The following PRKD1 variants were observed in gnomAD, a reference collection of about 807,000 sequenced individuals.
The protein encoded by PRKD1 is protein kinase D1.
Under a neutral mutation model 95.9 loss-of-function variants are expected in PRKD1, and 63 were observed. The observed-to-expected ratio is 0.66, with a 90% CI of 0.54 to 0.81. The LOEUF is 0.81. Among genes scored for constraint, PRKD1 ranks in the 30% least tolerant of loss-of-function variants. The pLI is 0.00. For synonymous variants in PRKD1, 425 were observed against 423.1 expected (o/e 1.00, Z -0.05); for missense variants, 1,048 against 1,165.3 (o/e 0.90, Z 1.47).
chr14:29,856,410 C>T (rs747035210), intron 1 of PRKD1, among the ~76,000 whole-genome samples: 1 of 151,996 alleles, frequency 6.6e-6, no homozygotes, highest in Non-Finnish European at 1.5e-5. Flanking sequence ...GCCATGGTCC[C>T]CAAGCAGAAC....
chr14:29,656,339 T>C (rs919882537), intron 4 of PRKD1: 1 of 921,650 alleles, frequency 1.1e-6, no homozygotes, highest in Non-Finnish European at 1.6e-6. Flanking sequence ...TGGGTCAATG[T>C]GTTGAATTTT....
At chr14:29,776,435 T>C (rs539226653) in intron 1 of PRKD1, among the ~76,000 whole-genome samples, 38 of 152,158 alleles carry the variant, frequency 2.5e-4, no homozygotes, top group African/African-American at 8.7e-4. Context: ...ATAAGTAGTG[T>C]AGAGAAGTCC....
intron 11 of PRKD1, among the ~76,000 whole-genome samples, 162 bp from the exon 12 acceptor site, chr14:29,626,718 CT>C (rs34249162): frequency 7.3e-4 from 105 of 143,376 alleles, no homozygotes; most frequent in Middle Eastern, 3.7e-3. Flanking sequence ...AAAGCACACT[CT>C]TTTTTTTTTT....
chr14:29,753,921 T>G (rs1454505768), intron 1 of PRKD1, among the ~76,000 whole-genome samples: 1 of 152,168 alleles, frequency 6.6e-6, no homozygotes, highest in East Asian at 1.9e-4. Context: ...CTTACGTACC[T>G]GTGTGAGAAT....
intron 1 of PRKD1, among the ~76,000 whole-genome samples, chr14:29,799,951 C>T (rs1889959766): frequency 6.6e-6 from 1 of 152,070 alleles, no homozygotes; most frequent in Admixed American, 6.6e-5. Flanking sequence ...GATCGTGCTG[C>T]TCAAAAGGAG....
At chr14:29,782,949 C>A (rs979306763) in intron 1 of PRKD1, among the ~76,000 whole-genome samples, 3 of 152,138 alleles carry the variant, frequency 2.0e-5, no homozygotes, top group African/African-American at 7.2e-5. Context: ...TTGTATTGAT[C>A]AAATCAGGGT....
At chr14:29,582,885 C>A (rs1446689877) in intron 16 of PRKD1, among the ~76,000 whole-genome samples, 1 of 151,994 alleles carries the variant, frequency 6.6e-6, no homozygotes, top group Non-Finnish European at 1.5e-5. Context: ...GGGAGACATA[C>A]AAAATTGGGC....
At chr14:29,887,490 A>T (rs182326562) in intron 1 of PRKD1, among the ~76,000 whole-genome samples, 77 of 152,362 alleles carry the variant, frequency 5.1e-4, no homozygotes, top group African/African-American at 1.8e-3. Flanking sequence ...GGAAAAACTG[A>T]GCACTAATCT....
intron 1 of PRKD1, among the ~76,000 whole-genome samples, chr14:29,836,814 C>T (rs1335569990): frequency 6.6e-6 from 1 of 152,106 alleles, no homozygotes; most frequent in African/African-American, 2.4e-5. Context: ...AACCTGAATG[C>T]CTTAGGGCCA....
chr14:29,636,044 C>CAAAAAAA (rs10590081), intron 7 of PRKD1, among the ~76,000 whole-genome samples: 3 of 143,094 alleles, frequency 2.1e-5, no homozygotes. Flanking sequence ...CTCTCACATG[C>CAAAAAAA]AAAAAAAAAA....
intron 13 of PRKD1, 148 bp from the exon 14 acceptor site, chr14:29,599,965 C>T (rs539516021): frequency 9.0e-6 from 5 of 553,744 alleles, no homozygotes; most frequent in African/African-American, 5.8e-5. Context: ...ACATGTGCTG[C>T]CTTATATTTT....
chr14:29,716,437 G>T (rs1365880854), intron 2 of PRKD1, among the ~76,000 whole-genome samples: 28 of 152,100 alleles, frequency 1.8e-4, no homozygotes, highest in Non-Finnish European at 5.9e-5. Flanking sequence ...CAGCTGTTCT[G>T]CTAAATGGAT....
At chr14:29,816,156 T>C (rs141087929) in intron 1 of PRKD1, among the ~76,000 whole-genome samples, 2,055 of 152,254 alleles carry the variant, frequency 0.013, 46 homozygotes, top group African/African-American at 0.042. Flanking sequence ...AGTTGGAGGT[T>C]GCAGTGAGCC....
chr14:29,811,111 G>A (rs2139242896), intron 1 of PRKD1, among the ~76,000 whole-genome samples: 1 of 152,220 alleles, frequency 6.6e-6, no homozygotes, highest in East Asian at 1.9e-4. Context: ...TAATTTGCAG[G>A]GCCCCTTGTT....
rs770142264 is a variant in PRKD1 at position 29,634,411 on chromosome 14, A to T, written c.1314+7T>A. 6.2e-7 allele frequency: 1 copy of T among 1,613,844 alleles called. No homozygotes were observed. ...GGCAAGAGAACATTGTTCCCTGTGG[A>T]TCTTACCAGCGTGTCCTTGCTGGTG... On this transcript the variant is annotated splice_region_variant and intron_variant, in intron 8 of 17. Transcript: ENST00000331968.
At chr14:29,828,404 G>C (rs1891278760) in intron 1 of PRKD1, among the ~76,000 whole-genome samples, 1 of 151,608 alleles carries the variant, frequency 6.6e-6, no homozygotes, top group African/African-American at 2.4e-5. Context: ...CATGAGGATA[G>C]CACCAAGCAA....
At chr14:29,737,760 G>T (rs1220751649) in intron 1 of PRKD1, among the ~76,000 whole-genome samples, 1 of 152,158 alleles carries the variant, frequency 6.6e-6, no homozygotes, top group East Asian at 1.9e-4. Flanking sequence ...GTCCAAAGTT[G>T]TTCTGAAAGC....
intron 1 of PRKD1, among the ~76,000 whole-genome samples, chr14:29,850,453 AACACACACACACAC>A (rs57312847): frequency 6.8e-6 from 1 of 147,808 alleles, no homozygotes; most frequent in Non-Finnish European, 1.5e-5. Context: ...CCCCATTCAA[AACACACACACACAC>A]ACACACACAC....
chr14:29,926,025 G>T (rs1895282755), intron 1 of PRKD1, among the ~76,000 whole-genome samples: 1 of 152,094 alleles, frequency 6.6e-6, no homozygotes, highest in Non-Finnish European at 1.5e-5. Flanking sequence ...GACATTACCC[G>T]TAATATAAAA....
Sources: allele counts gnomAD v4.1 joint callset (sites outside exome capture counted in the v4.1 genomes callset), GRCh38; gene constraint gnomAD v4.1.1; transcripts MANE v1.5; gene names NCBI Gene and HGNC (gene_info 2026-07-23, HGNC 2026-07-21).